The following CDH10 variants were observed in gnomAD, a reference collection of about 807,000 sequenced individuals.
CDH10 encodes the protein cadherin 10.
CDH10 carries 30 observed loss-of-function variants against 73.1 expected under a neutral mutation model. That is an observed-to-expected ratio of 0.41 (90% CI 0.31 to 0.56). The LOEUF (loss-of-function observed/expected upper bound fraction) is 0.56. Ranked by LOEUF, CDH10 falls within the 20% of genes least tolerant of loss-of-function variation. The probability of loss-of-function intolerance (pLI) is 0.27; values close to 1 mark genes in which losing one functional copy is unlikely to be tolerated. For missense variants in CDH10, 815 were observed against 973.7 expected (o/e 0.84, Z 2.17); for synonymous variants, 345 against 348.2 (o/e 0.99, Z 0.10).
At chr5:24,502,129 A>G (rs763466343) in intron 8 of CDH10, among the ~76,000 whole-genome samples, 24 of 152,116 alleles carry the variant, frequency 1.6e-4, no homozygotes, top group East Asian at 5.8e-4. Flanking sequence ...TCACGGTGTT[A>G]GCCAGGATGG....
intron 2 of CDH10, among the ~76,000 whole-genome samples, chr5:24,554,537 C>A (rs1356192686): frequency 4.1e-5 from 6 of 144,948 alleles, no homozygotes; most frequent in Admixed American, 7.0e-5. Flanking sequence ...CATGATTTTT[C>A]TTGATGGCTT....
chr5:24,638,634 C>T (rs1747946266), intron 1 of CDH10, among the ~76,000 whole-genome samples: 1 of 151,768 alleles, frequency 6.6e-6, no homozygotes, highest in Non-Finnish European at 1.5e-5. Flanking sequence ...AATAAATCTG[C>T]ATGTTGCTGT....
At chr5:24,516,475 A>G (rs929810063) in intron 5 of CDH10, among the ~76,000 whole-genome samples, 1 of 114,698 alleles carries the variant, frequency 8.7e-6, no homozygotes, top group Non-Finnish European at 2.0e-5. Flanking sequence ...AGTGATTTTC[A>G]ATTTTTTTTC....
At chr5:24,565,270 TA>T (rs1313924192) in intron 2 of CDH10, among the ~76,000 whole-genome samples, 1 of 152,164 alleles carries the variant, frequency 6.6e-6, no homozygotes, top group African/African-American at 2.4e-5. Flanking sequence ...ATCTATATTT[TA>T]AAAAACTTCT....
chr5:24,613,694 C>T (rs1052338863), intron 1 of CDH10, among the ~76,000 whole-genome samples: 1 of 152,024 alleles, frequency 6.6e-6, no homozygotes, highest in Non-Finnish European at 1.5e-5. Context: ...AACTTCGAGG[C>T]ACATGAATTA....
intron 2 of CDH10, among the ~76,000 whole-genome samples, chr5:24,553,114 T>G (rs1168608476): frequency 6.6e-6 from 1 of 152,186 alleles, no homozygotes; most frequent in Non-Finnish European, 1.5e-5. Context: ...TTGGAGAATA[T>G]TGAACCGACC....
At chr5:24,643,798 G>T (rs552299082) in intron 1 of CDH10, among the ~76,000 whole-genome samples, 1 of 152,170 alleles carries the variant, frequency 6.6e-6, no homozygotes, top group East Asian at 1.9e-4. Context: ...TACTGCTTTT[G>T]CCCATAGTTA....
At chr5:24,611,411 A>C (rs1194830808) in intron 1 of CDH10, among the ~76,000 whole-genome samples, 3 of 152,118 alleles carry the variant, frequency 2.0e-5, no homozygotes, top group Non-Finnish European at 4.4e-5. Flanking sequence ...GGGAGACTCT[A>C]TCTCTATTAA....
chr5:24,584,020 C>T (rs1044808064), intron 2 of CDH10, among the ~76,000 whole-genome samples: 3 of 152,120 alleles, frequency 2.0e-5, no homozygotes, highest in Admixed American at 1.3e-4. Context: ...GTCAGAAGTC[C>T]ATTTTTACAA....
intron 5 of CDH10, among the ~76,000 whole-genome samples, chr5:24,528,050 A>G (rs575321357): frequency 5.1e-4 from 77 of 151,984 alleles, no homozygotes; most frequent in African/African-American, 1.8e-3. Context: ...TACATCAATG[A>G]ATGCTTTAAT....
intron 5 of CDH10, 25 bp from the exon 6 acceptor site, chr5:24,511,539 G>A: frequency 1.2e-6 from 1 of 816,582 alleles, no homozygotes; most frequent in Non-Finnish European, 1.9e-6. Context: ...GAAAAGAAGA[G>A]AGAGACAGAG....
chr5:24,545,341 A>G (rs1423443860), intron 2 of CDH10, among the ~76,000 whole-genome samples: 1 of 152,248 alleles, frequency 6.6e-6, no homozygotes, highest in Non-Finnish European at 1.5e-5. Context: ...GTAAATTTAC[A>G]ACATTTAAAA....
chr5:24,611,112 CCTGTAGAGACAGTT>C (rs1290241106), intron 1 of CDH10, among the ~76,000 whole-genome samples: 4 of 152,048 alleles, frequency 2.6e-5, no homozygotes, highest in Non-Finnish European at 5.9e-5. Context: ...AGCACAGATC[CCTGTAGAGACAGTT>C]GCTCAGTAAG....
intron 2 of CDH10, among the ~76,000 whole-genome samples, chr5:24,556,207 A>G (rs1003973577): frequency 6.6e-6 from 1 of 152,130 alleles, no homozygotes; most frequent in African/African-American, 2.4e-5. Flanking sequence ...TGGAAACCCA[A>G]TCCACTTTTA....
intron 1 of CDH10, among the ~76,000 whole-genome samples, chr5:24,618,054 T>C (rs1023090404): frequency 6.6e-6 from 1 of 152,212 alleles, no homozygotes; most frequent in Non-Finnish European, 1.5e-5. Flanking sequence ...GTGTCCAATT[T>C]CAATGTGTGT....
chr5:24,643,425 T>TA (rs145354659), intron 1 of CDH10, among the ~76,000 whole-genome samples: 6,242 of 151,440 alleles, frequency 0.041, 186 homozygotes, highest in Non-Finnish European at 0.064. Context: ...TAAAGGAAGA[T>TA]AGAGAGGGGG....
intron 2 of CDH10, among the ~76,000 whole-genome samples, chr5:24,541,335 G>T (rs765973273): frequency 1.3e-5 from 2 of 151,328 alleles, no homozygotes; most frequent in Non-Finnish European, 3.0e-5. Flanking sequence ...AGTTGTTCTG[G>T]TATTACCACC....
chr5:24,641,674 T>C (rs1748054936), intron 1 of CDH10, among the ~76,000 whole-genome samples: 1 of 152,076 alleles, frequency 6.6e-6, no homozygotes, highest in African/African-American at 2.4e-5. Flanking sequence ...ATATGAACCA[T>C]ATATTGTACT....
At chr5:24,518,838 T>C (rs1743204863) in intron 5 of CDH10, among the ~76,000 whole-genome samples, 1 of 151,530 alleles carries the variant, frequency 6.6e-6, no homozygotes, top group Non-Finnish European at 1.5e-5. Flanking sequence ...TGGTAATTTC[T>C]AAGTTTATCT....
Sources: gnomAD v4.1 joint callset for allele counts (sites outside exome capture counted in the v4.1 genomes callset) on GRCh38, gnomAD v4.1.1 for gene constraint, MANE v1.5 for transcripts, NCBI Gene and HGNC (gene_info 2026-07-23, HGNC 2026-07-21) for gene names.